NCKAP5: variants seen among roughly 807,000 people sequenced by gnomAD.
NCKAP5 encodes the protein nck-associated protein 5.
A neutral mutation model predicts 167.0 loss-of-function variants in NCKAP5; 92 were observed. The observed-to-expected ratio is 0.55, with a 90% CI of 0.47 to 0.66. The LOEUF is 0.66. Among genes scored for constraint, NCKAP5 ranks in the 30% least tolerant of loss-of-function variants. NCKAP5 has a pLI of 0.00. For synonymous variants in NCKAP5, 891 were observed against 877.4 expected (o/e 1.02, Z -0.27); for missense variants, 2,378 against 2,315.0 (o/e 1.03, Z -0.56).
intron 12 of NCKAP5, among the ~76,000 whole-genome samples, chr2:132,796,310 G>A (rs565567401): frequency 1.1e-4 from 16 of 152,276 alleles, no homozygotes; most frequent in Admixed American, 7.2e-4. Context: ...AAAGTAGGAT[G>A]AATAATATGG....
intron 2 of NCKAP5, among the ~76,000 whole-genome samples, chr2:133,529,886 T>C (rs1229989917): frequency 1.3e-5 from 2 of 152,194 alleles, no homozygotes; most frequent in Non-Finnish European, 2.9e-5. Flanking sequence ...CTCTTCCTTT[T>C]TGAGCTCTGA....
intron 3 of NCKAP5, among the ~76,000 whole-genome samples, chr2:133,516,637 A>T (rs1466260540): frequency 6.6e-6 from 1 of 152,256 alleles, no homozygotes; most frequent in Non-Finnish European, 1.5e-5. Context: ...AAATCAAACC[A>T]ACAAATAGTT....
intron 8 of NCKAP5, among the ~76,000 whole-genome samples, chr2:132,923,819 G>C (rs1695631536): frequency 6.6e-6 from 1 of 152,104 alleles, no homozygotes; most frequent in Non-Finnish European, 1.5e-5. Context: ...AATGAGAAAG[G>C]ATTGTCGAGA....
At chr2:132,843,642 C>T (rs796613609) in intron 11 of NCKAP5, among the ~76,000 whole-genome samples, 10 of 151,964 alleles carry the variant, frequency 6.6e-5, no homozygotes, top group African/African-American at 2.2e-4. Flanking sequence ...TGGCAATCTC[C>T]AATGGCTTTT....
At chr2:132,677,444 C>A (rs1021239293) in intron 19 of NCKAP5, among the ~76,000 whole-genome samples, 12 of 152,094 alleles carry the variant, frequency 7.9e-5, no homozygotes, top group Non-Finnish European at 1.3e-4. Context: ...GTCAAGCAGT[C>A]ATTCAATCAA....
chr2:133,274,491 C>T (rs2089648943), intron 4 of NCKAP5, among the ~76,000 whole-genome samples: 1 of 151,978 alleles, frequency 6.6e-6, no homozygotes, highest in Admixed American at 6.6e-5. Flanking sequence ...CAGATTTATA[C>T]ACTCAACTTA....
At chr2:133,388,446 C>T (rs901414617) in intron 3 of NCKAP5, among the ~76,000 whole-genome samples, 5 of 152,200 alleles carry the variant, frequency 3.3e-5, no homozygotes, top group African/African-American at 9.6e-5. Context: ...GTCAGTCTAC[C>T]CCTACTGGGG....
chr2:132,727,514 A>G (rs920972783), intron 18 of NCKAP5, among the ~76,000 whole-genome samples: 1 of 152,254 alleles, frequency 6.6e-6, no homozygotes, highest in Non-Finnish European at 1.5e-5. Flanking sequence ...ATGCCAAATC[A>G]GACACAAGTC....
chr2:133,413,921 C>T (rs987537895), intron 3 of NCKAP5, among the ~76,000 whole-genome samples: 5 of 152,124 alleles, frequency 3.3e-5, no homozygotes, highest in South Asian at 2.1e-4. Flanking sequence ...AAGACTTGGC[C>T]GTCCAAGAGG....
rs1481106047 is a variant in NCKAP5, at chr2:133,403,886, G to GATGT, written c.70-100780_70-100777dup. Among the ~76,000 whole-genome samples, 44 of 138,204 alleles carry GATGT rather than the reference G, an allele frequency of 3.2e-4. 1 individual carries two copies. The highest frequency in any genetic ancestry group is 3.0e-3 in the Admixed American group (42 of 14,098). The allele number at this position is 138,204 out of a possible 152,430, so 90.7% of individuals were successfully genotyped here. ...CCATAAGCTGGTCTGCAGTCAGGTG[G>GATGT]ATGTGTGTGTGTGTGTGTGTGTGTG... is the stretch of plus-strand genomic sequence containing the variant. On this transcript the variant is annotated intron_variant, in intron 3 of 19. Transcript: ENST00000409261.
intron 5 of NCKAP5, among the ~76,000 whole-genome samples, chr2:133,170,932 A>C (rs1212532136): frequency 3.9e-5 from 6 of 152,072 alleles, no homozygotes; most frequent in Admixed American, 2.6e-4. Context: ...TGGTTTACTC[A>C]GGTGACAAGC....
chr2:132,766,235 G>T (rs563705048), intron 16 of NCKAP5, among the ~76,000 whole-genome samples: 1 of 124,778 alleles, frequency 8.0e-6, no homozygotes, highest in Non-Finnish European at 1.6e-5. Flanking sequence ...AGCTGAGATC[G>T]CACCACTACC....
chr2:133,668,577 A>G, the NCKAP5 span, among the ~76,000 whole-genome samples: 2 of 151,890 alleles, frequency 1.3e-5, no homozygotes, highest in African/African-American at 4.8e-5. Context: ...AGCCATTCGC[A>G]TATCTTCTTT....
At chr2:133,484,457 T>C (rs757075980) in intron 3 of NCKAP5, among the ~76,000 whole-genome samples, 1 of 152,182 alleles carries the variant, frequency 6.6e-6, no homozygotes, top group Non-Finnish European at 1.5e-5. Flanking sequence ...AACGATGCCA[T>C]TTCCCATCCC....
intron 8 of NCKAP5, among the ~76,000 whole-genome samples, chr2:132,928,789 G>A (rs1227776100): frequency 6.6e-6 from 1 of 151,838 alleles, no homozygotes; most frequent in Non-Finnish European, 1.5e-5. Flanking sequence ...ATCAAGTTTG[G>A]GTATGAATTT....
At chr2:132,677,818 A>T (rs918211146) in intron 19 of NCKAP5, among the ~76,000 whole-genome samples, 1 of 152,032 alleles carries the variant, frequency 6.6e-6, no homozygotes, top group East Asian at 1.9e-4. Context: ...AAAAGTTTTG[A>T]CTTCCAAACT....
At chr2:132,991,670 T>C (rs4954017) in intron 7 of NCKAP5, among the ~76,000 whole-genome samples, 116,883 of 152,134 alleles carry the variant, frequency 0.77, 45,381 homozygotes, top group African/African-American at 0.88. Context: ...CAAACACTGC[T>C]ACCGCAGTGG....
intron 4 of NCKAP5, among the ~76,000 whole-genome samples, chr2:133,272,430 A>T (rs1036716022): frequency 1.3e-5 from 2 of 152,166 alleles, no homozygotes; most frequent in African/African-American, 4.8e-5. Flanking sequence ...ACTATGAGCA[A>T]TTTTATCTGT....
intron 4 of NCKAP5, among the ~76,000 whole-genome samples, chr2:133,298,801 G>A (rs1465546420): frequency 6.6e-6 from 1 of 151,958 alleles, no homozygotes; most frequent in Non-Finnish European, 1.5e-5. Flanking sequence ...AGAGATCTAT[G>A]GAAAATATAA....
Sources: allele counts gnomAD v4.1 joint callset (sites outside exome capture counted in the v4.1 genomes callset), GRCh38; gene constraint gnomAD v4.1.1; transcripts MANE v1.5; gene names NCBI Gene and HGNC (gene_info 2026-07-23, HGNC 2026-07-21).